Variants in PARS2 observed in about 807,000 individuals in gnomAD.
The protein encoded by PARS2 is prolyl-tRNA synthetase 2, mitochondrial, also known as probable proline--tRNA ligase, mitochondrial.
PARS2 carries 20 observed loss-of-function variants against 27.4 expected under a neutral mutation model. The observed-to-expected ratio is 0.73, with a 90% CI of 0.51 to 1.06. The LOEUF (loss-of-function observed/expected upper bound fraction) is 1.06. PARS2 is among the 50% of genes least tolerant of loss of function. The probability of loss-of-function intolerance (pLI) is 0.00; values close to 1 mark genes in which losing one functional copy is unlikely to be tolerated. For missense variants in PARS2, 585 were observed against 602.1 expected, an observed-to-expected ratio of 0.97 and a Z score of 0.30; for synonymous variants, 240 against 247.1, an observed-to-expected ratio of 0.97 and a Z score of 0.27.
Position 54,758,473 on chromosome 1 carries a change from T to C in PARS2, c.689A>G (p.Tyr230Cys), listed in dbSNP as rs371891675. 13 of 1,613,972 alleles carry C rather than the reference T, an allele frequency of 8.1e-6. No individual in the cohort carries two copies. The highest frequency in any genetic ancestry group is 6.7e-5 in the African/African-American group (5 of 74,898). Residue 230 changes from tyrosine (Y) to cysteine (C), a missense_variant, in exon 2 of 2, where the codon TAC becomes TGC. By Grantham distance (194) the Tyr-to-Cys change is radical. Transcript: ENST00000371279. ...QQTYSLVCDA[Y>C]CSLFNKLGLP... Reference sequence around the variant, plus strand: ...CCCTAGCTTGTTGAACAGGCTGCAGTAGGCATCACACACCAGGCTGTAGGT... The same window carrying C: ...CCCTAGCTTGTTGAACAGGCTGCAGCAGGCATCACACACCAGGCTGTAGGT...
chr1:54,759,009 A>C lies in PARS2; in HGVS notation c.153T>G (p.Leu51=), dbSNP rs546790623. 1.9e-6 allele frequency: 3 copies of C among 1,614,132 alleles called. No individual in the cohort carries two copies. The Admixed American group carries it at 5.0e-5, about 27-fold the overall frequency. ...LLSRVFQPQN[L]REDRVLSLQD... Reference sequence around the variant, plus strand: ...GCAGGGAGAGCACCCGGTCTTCCCGAAGGTTCTGTGGCTGGAACACACGAG... The same window carrying C: ...GCAGGGAGAGCACCCGGTCTTCCCGCAGGTTCTGTGGCTGGAACACACGAG... The change falls in exon 2 of 2, where the codon CTT becomes CTG. Residue 51 remains leucine (L), a synonymous_variant. Coordinates refer to ENST00000371279, the MANE Select transcript of PARS2 (RefSeq NM_152268.4).
Position 54,759,128 on chromosome 1 carries a change from G to A in PARS2, c.34C>T (p.Pro12Ser), listed in dbSNP as rs373825143. The change falls in exon 2 of 2, where the codon CCC (proline) becomes TCC (serine). Residue 12 changes from proline to serine, a missense_variant. Coordinates refer to ENST00000371279, the MANE Select transcript of PARS2 (RefSeq NM_152268.4). ...EGLLTRCRAL[P>S]ALATCSRQLS... ...TGGCGGCTGCAGGTGGCCAGGGCGGGCAATGCTCTGCATCTTGTCAGCAGC... is the reference window on the plus strand; with the variant it reads ...TGGCGGCTGCAGGTGGCCAGGGCGGACAATGCTCTGCATCTTGTCAGCAGC... 1.0e-5 allele frequency: 16 copies of A among 1,606,564 alleles called. No homozygotes were observed. In the South Asian group the frequency reaches 1.7e-4, roughly 17 times the overall value.
chr1:54,757,566 A>C lies in PARS2; in HGVS notation c.*168T>G, dbSNP rs1242119377. 3 of 580,098 alleles carry C rather than the reference A, an allele frequency of 5.2e-6. No homozygotes were observed. In the East Asian group the frequency reaches 8.5e-5, roughly 16 times the overall value. The allele number at this position is 580,098 out of a possible 1,614,324, so 35.9% of individuals were successfully genotyped here. A position where few individuals can be genotyped will look rare whatever the true frequency, so the allele number is the denominator to read the frequency against. On this transcript the variant is annotated 3_prime_UTR_variant, in exon 2 of 2. Transcript: ENST00000371279. The stretch of plus-strand genomic sequence containing the variant: ...GATCAAGTTAATGACTTTAAATACA[A>C]ATAATCTGAACAAATGACTAGATAA...
chr1:54,759,238 C>G, intron 1 of PARS2, 48 bp from the exon 2 acceptor site: 2 of 1,226,604 alleles, frequency 1.6e-6, no homozygotes, highest in Non-Finnish European at 2.2e-6. Flanking sequence ...CGTGTTCCAA[C>G]ACCATGAAGC....
Position 54,757,905 on chromosome 1 carries a change from T to G in PARS2, c.1257A>C (p.Gly419=). 1 of 1,614,200 alleles carries G rather than the reference T, an allele frequency of 6.2e-7. No individual in the cohort carries two copies. The highest frequency in any genetic ancestry group is 8.5e-7 in the Non-Finnish European group (1 of 1,180,024). Residue 419 remains glycine, a synonymous_variant, in exon 2 of 2, where the codon GGA becomes GGC. Transcript: ENST00000371279. ...LLDDRTHLTI[G]NRLKDANKFG... is the part of the protein sequence containing the mutation. ...ACTTGTTGGCATCTTTCAGTCTGTT[T>G]CCGATGGTCAGATGGGTCCTGTCGT...
intron 1 of PARS2, among the ~76,000 whole-genome samples, chr1:54,764,191 C>T (rs563439229): frequency 1.2e-4 from 18 of 152,216 alleles, no homozygotes; most frequent in Non-Finnish European, 1.9e-4. Context: ...GTCCCAGGGC[C>T]TTTCCAGAGC....
At chr1:54,763,805 GC>G (rs1223857422) in intron 1 of PARS2, among the ~76,000 whole-genome samples, 1 of 152,080 alleles carries the variant, frequency 6.6e-6, no homozygotes, top group African/African-American at 2.4e-5. Context: ...ACTCACCATT[GC>G]CCCCCAATCT....
In PARS2 at chr1:54,758,531, T is replaced by C. The variant is rs780285964; in HGVS notation, c.631A>G (p.Thr211Ala). The C allele has an allele frequency of 5.6e-6, 9 of 1,613,858 alleles. No homozygotes were observed. Among genetic ancestry groups the C allele is most frequent in the Non-Finnish European group, 6.8e-6 (8 of 1,180,000 alleles). Residue 211 changes from threonine to alanine, a missense_variant, in exon 2 of 2, where the codon ACC (threonine) becomes GCC (alanine). By Grantham distance (58) the Thr-to-Ala change is moderately conservative. Coordinates refer to ENST00000371279, the MANE Select transcript of PARS2 (RefSeq NM_152268.4). ...GCAGCCTCTGGGGAGGAGTCAAAGG[T>C]GTACATATCCTTCATGTAAAACTCT... ...GREFYMKDMYTFDSSPEAAQQ... is the reference protein window; with the variant it reads ...GREFYMKDMYAFDSSPEAAQQ...
In PARS2 at chr1:54,758,646, C is replaced by G. The variant is rs772080916; in HGVS notation, c.516G>C (p.Leu172=). The part of the protein sequence containing the change: ...ITALIASQKK[L]SYKQLPFLLY... ...GCAGGAAGGGAAGCTGCTTGTAGGA[C>G]AGTTTCTTCTGGGAGGCAATTAAGG... Residue 172 remains leucine (L), a synonymous_variant, in exon 2 of 2, where the codon CTG becomes CTC. Coordinates refer to ENST00000371279, the MANE Select transcript of PARS2 (RefSeq NM_152268.4). 1.9e-6 allele frequency: 3 copies of G among 1,614,208 alleles called. No homozygotes were observed. The highest frequency in any genetic ancestry group is 2.5e-6 in the Non-Finnish European group (3 of 1,180,040).
rs1646127981 is a variant in PARS2 at position 54,757,654 on chromosome 1, C to G, written c.*80G>C. The G allele has an allele frequency of 1.1e-6, 1 of 906,622 alleles. No individual in the cohort carries two copies. The highest frequency in any genetic ancestry group is 1.7e-6 in the Non-Finnish European group (1 of 589,766). 56.2% of individuals were successfully genotyped at this position (906,622 alleles called of 1,614,324 possible). On this transcript the variant is annotated 3_prime_UTR_variant, in exon 2 of 2. Coordinates refer to ENST00000371279, the MANE Select transcript of PARS2 (RefSeq NM_152268.4). ...CTGTGCTGTTTCTGGAGAGAGCAGT[C>G]CAGGAAAGGGGTGTAGGAAAATGCA...
chr1:54,762,419 C>T (rs1434420049), intron 1 of PARS2, among the ~76,000 whole-genome samples: 3 of 152,288 alleles, frequency 2.0e-5, no homozygotes, highest in Non-Finnish European at 2.9e-5. Context: ...GGATTACAGG[C>T]GTGAGCCACC....
At chr1:54,763,224 C>A (rs1039142824) in intron 1 of PARS2, among the ~76,000 whole-genome samples, 1 of 152,234 alleles carries the variant, frequency 6.6e-6, no homozygotes, top group Non-Finnish European at 1.5e-5. Context: ...CCACTGCACA[C>A]ACCTCTTTTT....
chr1:54,763,107 C>A (rs1646166363), intron 1 of PARS2, among the ~76,000 whole-genome samples: 1 of 152,164 alleles, frequency 6.6e-6, no homozygotes. Context: ...TTGAAACAGA[C>A]TGACCTCCCC....
chr1:54,762,391 C>T (rs745530698), intron 1 of PARS2, among the ~76,000 whole-genome samples: 2 of 152,152 alleles, frequency 1.3e-5, no homozygotes, highest in African/African-American at 2.4e-5. Flanking sequence ...CAGCCCGCCA[C>T]GGCCTCCCAA....
chr1:54,764,213 G>A lies in PARS2; in HGVS notation c.-30+248C>T, dbSNP rs186553290. The stretch of plus-strand genomic sequence containing the variant: ...GGCCTTTCCAGAGCTGGCACTTCGA[G>A]AACTGTGTGACTCTCACGACGACCG... On this transcript the variant is annotated intron_variant, in intron 1 of 1. Coordinates refer to ENST00000371279, the MANE Select transcript of PARS2 (RefSeq NM_152268.4). Among the ~76,000 whole-genome samples, 6 of 152,340 alleles carry A rather than the reference G, an allele frequency of 3.9e-5. No homozygotes were observed. In the East Asian group the frequency reaches 1.2e-3, roughly 29 times the overall value.
rs1483071931 is a variant in PARS2 at position 54,758,695 on chromosome 1, G to T, written c.467C>A (p.Pro156Gln). 6.2e-7 allele frequency: 1 copy of T among 1,614,226 alleles called. No homozygotes were observed. Among genetic ancestry groups the T allele is most frequent in the South Asian group, 1.1e-5 (1 of 91,084 alleles). Reference protein sequence around the residue: ...DRHGKEYCLGPTHEEAITALI... With the variant: ...DRHGKEYCLGQTHEEAITALI... ...GGCCGTAATGGCTTCCTCGTGAGTT[G>T]GTCCTAAGCAGTATTCCTTGCCATG... Residue 156 changes from proline (P) to glutamine (Q), a missense_variant, in exon 2 of 2, where the codon CCA (proline) becomes CAA (glutamine). By Grantham distance (76) the Pro-to-Gln change is moderately conservative. Coordinates refer to ENST00000371279, the MANE Select transcript of PARS2 (RefSeq NM_152268.4).
rs1381477733 is a variant in PARS2 at position 54,758,402 on chromosome 1, T to C, written c.760A>G (p.Thr254Ala). The C allele has an allele frequency of 6.2e-7, 1 of 1,614,066 alleles. No homozygotes were observed. The highest frequency in any genetic ancestry group is 8.5e-7 in the Non-Finnish European group (1 of 1,180,038). ...GGGAGCTGGAACTCATGAGACACTG[T>C]GCCCCCGATGGTGCCCACATCGGCC... Reference protein sequence around the residue: ...VQADVGTIGGTVSHEFQLPVD... With the variant: ...VQADVGTIGGAVSHEFQLPVD... Residue 254 changes from threonine (T) to alanine (A), a missense_variant, in exon 2 of 2, where the codon ACA (threonine) becomes GCA (alanine). Coordinates refer to ENST00000371279, the MANE Select transcript of PARS2 (RefSeq NM_152268.4).
chr1:54,757,752 G>C lies in PARS2; in HGVS notation c.1410C>G (p.Thr470=), dbSNP rs557140425. The C allele has an allele frequency of 1.9e-6, 3 of 1,610,380 alleles. No homozygotes were observed. The highest frequency in any genetic ancestry group is 1.3e-5 in the African/African-American group (1 of 74,962). ...LTKDGVMDLL[T]PVQTV is the part of the protein sequence containing the mutation. ...GGGGCATTTAGACAGTCTGCACTGG[G>C]GTCAGTAAATCCATGACTCCATCTT... The change falls in exon 2 of 2, where the codon ACC becomes ACG. Residue 470 remains threonine, a synonymous_variant. Transcript: ENST00000371279.
intron 1 of PARS2, among the ~76,000 whole-genome samples, chr1:54,760,871 C>T (rs1479416437): frequency 5.9e-5 from 9 of 152,104 alleles, no homozygotes; most frequent in Non-Finnish European, 7.4e-5. Context: ...CTCTGCCTCC[C>T]GGGTTCACGC....
Sources: allele counts gnomAD v4.1 joint callset (sites outside exome capture counted in the v4.1 genomes callset), GRCh38; gene constraint gnomAD v4.1.1; transcripts MANE v1.5; gene names NCBI Gene and HGNC (gene_info 2026-07-23, HGNC 2026-07-21).